CHST11: variants seen among roughly 807,000 people sequenced by gnomAD.
CHST11 encodes the protein C4S-1.
A neutral mutation model predicts 30.4 loss-of-function variants in CHST11; 9 were observed. The observed-to-expected ratio is 0.30, with a 90% CI of 0.18 to 0.52. The LOEUF is 0.52. Among genes scored for constraint, CHST11 ranks in the 20% least tolerant of loss-of-function variants. The pLI is 0.97. For synonymous variants in CHST11, 152 were observed against 187.8 expected, an observed-to-expected ratio of 0.81 and a Z score of 1.56; for missense variants, 348 against 460.6, an observed-to-expected ratio of 0.76 and a Z score of 2.24.
chr12:104,657,026 T>C (rs888579358), intron 2 of CHST11, among the ~76,000 whole-genome samples: 2 of 152,104 alleles, frequency 1.3e-5, no homozygotes. Flanking sequence ...TTTTTTAAAT[T>C]GATGAAGAAA....
Position 104,757,741 on chromosome 12 carries a change from G to A in CHST11, c.997G>A (p.Val333Ile). The A allele has an allele frequency of 6.2e-7, 1 of 1,614,108 alleles. No individual in the cohort carries two copies. Among genetic ancestry groups the A allele is most frequent in the Non-Finnish European group, 8.5e-7 (1 of 1,180,026 alleles). ...SSEHQTQLYE[V>I]YKLDFLMFNY... ...AGAGCACCAAACGCAGCTGTACGAA[G>A]TCTACAAACTCGATTTTTTAATGTT... Residue 333 changes from valine to isoleucine, a missense_variant, in exon 3 of 3, where the codon GTC becomes ATC. Val to Ile is a conservative substitution (Grantham distance 29, BLOSUM62 3). Around this residue, in one of 3 missense-constraint regions of CHST11, gnomAD observed 210 missense variants for 287.2 expected, o/e 0.73. Transcript: ENST00000303694. This position sits in a 1 kb window ranked among gnomAD's most constrained non-coding sequence, Gnocchi z 6.5.
intron 2 of CHST11, among the ~76,000 whole-genome samples, chr12:104,612,183 TGTAACAAC>T (rs2039066953): frequency 6.6e-6 from 1 of 152,258 alleles, no homozygotes; most frequent in South Asian, 2.1e-4. Context: ...CTGGGGCTGC[TGTAACAAC>T]ATACCACAGA....
At chr12:104,601,491 G>T (rs2038956678) in intron 1 of CHST11, among the ~76,000 whole-genome samples, 1 of 152,222 alleles carries the variant, frequency 6.6e-6, no homozygotes, top group African/African-American at 2.4e-5. Flanking sequence ...AGCTTTCAGG[G>T]ACAAGGAATG....
intron 2 of CHST11, among the ~76,000 whole-genome samples, chr12:104,708,077 CT>C (rs764187661): frequency 5.9e-5 from 9 of 152,226 alleles, no homozygotes; most frequent in Non-Finnish European, 1.3e-4. Context: ...CTGACACCTT[CT>C]CCTCCCCGGG....
At chr12:104,692,066 A>G (rs1032743947) in intron 2 of CHST11, among the ~76,000 whole-genome samples, 2 of 152,250 alleles carry the variant, frequency 1.3e-5, no homozygotes, top group Non-Finnish European at 2.9e-5. Flanking sequence ...AATACATACA[A>G]TTGAGAGCAA....
At chr12:104,565,317 A>C (rs1168622579) in intron 1 of CHST11, among the ~76,000 whole-genome samples, 1 of 123,002 alleles carries the variant, frequency 8.1e-6, no homozygotes, top group Non-Finnish European at 1.6e-5. Flanking sequence ...CTCAGGCTGG[A>C]GTGCAGTGGC....
chr12:104,736,283 G>A (rs186549164), intron 2 of CHST11, among the ~76,000 whole-genome samples: 6 of 152,248 alleles, frequency 3.9e-5, no homozygotes, highest in Non-Finnish European at 7.4e-5. Context: ...TCACTGCCCT[G>A]CGTGTGGCAT....
At chr12:104,633,886 C>G (rs2039297662) in intron 2 of CHST11, among the ~76,000 whole-genome samples, 1 of 152,186 alleles carries the variant, frequency 6.6e-6, no homozygotes. Flanking sequence ...GCTCCCCCTG[C>G]CCCACCTCTC....
At chr12:104,586,952 A>C (rs1693661543) in intron 1 of CHST11, among the ~76,000 whole-genome samples, 1 of 152,206 alleles carries the variant, frequency 6.6e-6, no homozygotes, top group Non-Finnish European at 1.5e-5. Flanking sequence ...CAGCGTCTTA[A>C]GTTTCTCAGC....
At chr12:104,618,755 T>C (rs972449538) in intron 2 of CHST11, among the ~76,000 whole-genome samples, 6 of 152,126 alleles carry the variant, frequency 3.9e-5, no homozygotes, top group African/African-American at 1.4e-4. Context: ...ACCTGAGGCA[T>C]AGAGAGGCGT....
intron 1 of CHST11, among the ~76,000 whole-genome samples, chr12:104,574,488 A>G (rs2136026569): frequency 6.6e-6 from 1 of 152,362 alleles, no homozygotes; most frequent in Middle Eastern, 3.4e-3. Context: ...GACTGGATTA[A>G]GAAAATGTGG....
chr12:104,510,531 T>A lies in CHST11; in HGVS notation c.118+53002T>A, dbSNP rs960659138. ...GGTTTAAAGCCTTTGAGATCTATGG[T>A]GGCTGAATGTGCTTCCAGGAGCAGA... On this transcript the variant is annotated intron_variant, in intron 1 of 2. Transcript: ENST00000303694. 3.3e-5 allele frequency among the ~76,000 whole-genome samples: 5 copies of A among 152,238 alleles called. No homozygotes were observed. The East Asian group carries it at 9.6e-4, about 29-fold the overall frequency.
intron 1 of CHST11, among the ~76,000 whole-genome samples, chr12:104,542,061 T>C (rs2038292205): frequency 2.0e-5 from 3 of 152,270 alleles, no homozygotes; most frequent in African/African-American, 7.2e-5. Flanking sequence ...GACCAAGTTA[T>C]GATAAGCAAC....
At chr12:104,738,102 A>G (rs2040315980) in intron 2 of CHST11, among the ~76,000 whole-genome samples, 1 of 152,154 alleles carries the variant, frequency 6.6e-6, no homozygotes, top group African/African-American at 2.4e-5. Context: ...GACCGGTGTA[A>G]TTATGTCTGC....
chr12:104,515,428 T>C (rs1240563759), intron 1 of CHST11, among the ~76,000 whole-genome samples: 1 of 152,224 alleles, frequency 6.6e-6, no homozygotes, highest in Non-Finnish European at 1.5e-5. Flanking sequence ...CAGAGGTCTT[T>C]CCCTCCGATG....
Position 104,706,460 on chromosome 12 carries a change from A to AGG in CHST11, c.205-50487_205-50486dup, listed in dbSNP as rs1440750624. Among the ~76,000 whole-genome samples, 16 of 148,742 alleles carry AGG rather than the reference A, an allele frequency of 1.1e-4. No individual in the cohort carries two copies. The East Asian group carries it at 2.8e-3, about 26-fold the overall frequency. The stretch of plus-strand genomic sequence containing the variant: ...TGGGTGGGTGGGTGAGTGGATGGAG[A>AGG]GGGAGAGAGAGAGAGAGAGAGAGAT... On this transcript the variant is annotated intron_variant, in intron 2 of 2. Transcript: ENST00000303694.
intron 2 of CHST11, among the ~76,000 whole-genome samples, chr12:104,737,025 C>T (rs1324195909): frequency 6.6e-6 from 1 of 152,212 alleles, no homozygotes; most frequent in East Asian, 1.9e-4. Context: ...TGTGACTTTC[C>T]TTTAACACCA....
intron 2 of CHST11, among the ~76,000 whole-genome samples, chr12:104,652,109 G>A (rs953977013): frequency 1.3e-5 from 2 of 152,074 alleles, no homozygotes; most frequent in African/African-American, 2.4e-5. Context: ...TGCAGTCGCC[G>A]CTCCATGCCA....
intron 2 of CHST11, among the ~76,000 whole-genome samples, chr12:104,610,701 G>A (rs981393030): frequency 9.2e-5 from 14 of 152,190 alleles, no homozygotes; most frequent in African/African-American, 2.7e-4. Context: ...GAAACTGACC[G>A]TAGGAGAGAC....
Sources: gnomAD v4.1 joint callset for allele counts (sites outside exome capture counted in the v4.1 genomes callset) on GRCh38, gnomAD v4.1.1 for gene constraint, gnomAD v4.1.1 regional missense constraint, Gnocchi (gnomAD v3.1) non-coding constraint, MANE v1.5 for transcripts, NCBI Gene and HGNC (gene_info 2026-07-23, HGNC 2026-07-21) for gene names.